HMCN2: variants seen among roughly 807,000 people sequenced by gnomAD.
HMCN2 encodes the protein hemicentin-2.
A neutral mutation model predicts 377.5 loss-of-function variants in HMCN2; 325 were observed. That is an observed-to-expected ratio of 0.86 (90% CI 0.79 to 0.94). The LOEUF is 0.94. Among genes scored for constraint, HMCN2 ranks in the 40% least tolerant of loss-of-function variants. The pLI, the probability that HMCN2 is intolerant of heterozygous loss-of-function variation, is 0.00. For synonymous variants in HMCN2, 2,007 were observed against 2,046.8 expected, an observed-to-expected ratio of 0.98 and a Z score of 0.53; for missense variants, 4,543 against 4,725.3, an observed-to-expected ratio of 0.96 and a Z score of 1.13.
intron 80 of HMCN2, among the ~76,000 whole-genome samples, chr9:130,404,600 C>G (rs558092344): frequency 6.6e-6 from 1 of 152,354 alleles, no homozygotes; most frequent in East Asian, 1.9e-4. Flanking sequence ...GGCTTTTAGT[C>G]TTCTGTGTGT....
At chr9:130,420,283 C>T (rs71501136) in intron 86 of HMCN2, among the ~76,000 whole-genome samples, 2,018 of 151,972 alleles carry the variant, frequency 0.013, 18 homozygotes, top group South Asian at 0.03. Context: ...ACCGCGTTAG[C>T]CAGGATGGTG....
In HMCN2 at chr9:130,347,528, A is replaced by T. The variant is rs1301665670; in HGVS notation, c.4024+168A>T. ...GGCAGTGCCAGTTCCCCGGGGCCTG[A>T]AAGCTTCCTACACAGGAGAATCAGG... On this transcript the variant is annotated intron_variant, in intron 26 of 97. Transcript: ENST00000683500. This position sits in a 1 kb window ranked among gnomAD's most constrained non-coding sequence, Gnocchi z 5.1. Among the ~76,000 whole-genome samples the T allele has an allele frequency of 1.3e-5, 2 of 152,184 alleles. No homozygotes were observed. The highest frequency in any genetic ancestry group is 2.9e-5 in the Non-Finnish European group (2 of 68,026).
At chr9:130,359,937 C>T (rs62579549) in intron 37 of HMCN2, among the ~76,000 whole-genome samples, 17,214 of 152,174 alleles carry the variant, frequency 0.11, 1,089 homozygotes, top group African/African-American at 0.16. Flanking sequence ...GGGACATGTC[C>T]CGGCAGGATG....
chr9:130,317,606 T>C (rs1837631715), intron 15 of HMCN2, among the ~76,000 whole-genome samples: 1 of 150,824 alleles, frequency 6.6e-6, no homozygotes, highest in East Asian at 2.0e-4. Flanking sequence ...GCGATTCTCC[T>C]GCTTCAGCCT....
Position 130,374,550 on chromosome 9 carries a change from C to T in HMCN2, c.7487C>T (p.Ala2496Val). 5.1e-6 allele frequency: 5 copies of T among 985,812 alleles called. No homozygotes were observed. The highest frequency in any genetic ancestry group is 6.0e-6 in the Non-Finnish European group (5 of 829,984). The allele number at this position is 985,812 out of a possible 1,614,324, so 61.1% of individuals were successfully genotyped here. A position where few individuals can be genotyped will look rare whatever the true frequency, so the allele number is the denominator to read the frequency against. Residue 2496 changes from alanine (A) to valine (V), a missense_variant, in exon 49 of 98, where the codon GCT (alanine) becomes GTT (valine). Physicochemically the swap from Ala to Val is moderately conservative, Grantham distance 64 (BLOSUM62 0). This residue lies in a region of HMCN2 where 1,032 missense variants were observed against 1,285.1 expected (regional missense o/e 0.80). Coordinates refer to ENST00000683500, the MANE Select transcript of HMCN2 (RefSeq NM_001291815.2). ...LTWFKDGRPL[A>V]RGDAHHISPD... ...TGGTTCAAAGATGGCCGGCCTCTGG[C>T]TAGGGGAGATGCTCACCACATCTCC...
chr9:130,384,556 G>A (rs1430042638), intron 58 of HMCN2, 22 bp downstream of exon 58: 1 of 1,304,206 alleles, frequency 7.7e-7, no homozygotes. Context: ...GAGGTGTCCG[G>A]CCCAGCTCTA....
At position 130,294,926 on chromosome 9, in the gene HMCN2, G is replaced by T. The variant is rs1461371486; in HGVS notation, c.684G>T (p.Glu228Asp). 2.1e-6 allele frequency: 1 copy of T among 470,554 alleles called. No individual in the cohort carries two copies. Among genetic ancestry groups the T allele is most frequent in the Non-Finnish European group, 4.4e-6 (1 of 226,822 alleles). The allele number at this position is 470,554 out of a possible 1,614,324, so 29.1% of individuals were successfully genotyped here. A position where few individuals can be genotyped will look rare whatever the true frequency, so the allele number is the denominator to read the frequency against. ...TGCTGTCCACAGACCACGAGGAGGA[G>T]GGGGAGCACACATGGAGACTCCCCT... is the stretch of plus-strand genomic sequence containing the variant. ...VHLLSTDHEEEGEHTWRLPFD... is the reference protein window; with the variant it reads ...VHLLSTDHEEDGEHTWRLPFD... Residue 228 changes from glutamate (E) to aspartate (D), a missense_variant, in exon 5 of 98, where the codon GAG becomes GAT. By Grantham distance (45) the Glu-to-Asp change is conservative. Coordinates refer to ENST00000683500, the MANE Select transcript of HMCN2 (RefSeq NM_001291815.2).
chr9:130,317,875 C>T (rs950105663), intron 15 of HMCN2, among the ~76,000 whole-genome samples: 6 of 151,948 alleles, frequency 3.9e-5, no homozygotes, highest in East Asian at 1.9e-4. Flanking sequence ...GAATTGAAAG[C>T]GGTCTGGGAG....
intron 59 of HMCN2, among the ~76,000 whole-genome samples, chr9:130,385,068 G>T (rs1366746798): frequency 6.6e-6 from 1 of 152,202 alleles, no homozygotes; most frequent in Non-Finnish European, 1.5e-5. Flanking sequence ...GAATCCTCTT[G>T]GGGAAAAGCT....
At position 130,400,930 on chromosome 9, in the gene HMCN2, A is replaced by G. The variant is rs1200952686; in HGVS notation, c.11753A>G (p.Tyr3918Cys). 31 of 1,288,222 alleles carry G rather than the reference A, an allele frequency of 2.4e-5. No individual in the cohort carries two copies. The highest frequency in any genetic ancestry group is 3.0e-5 in the African/African-American group (2 of 65,798). 79.8% of individuals were successfully genotyped at this position (1,288,222 alleles called of 1,614,324 possible). The change falls in exon 77 of 98, where the codon TAT becomes TGT. Residue 3918 changes from tyrosine to cysteine, a missense_variant. Coordinates refer to ENST00000683500, the MANE Select transcript of HMCN2 (RefSeq NM_001291815.2). Reference protein sequence around the residue: ...GAQLGARGSGYRVSPSGALEI... With the variant: ...GAQLGARGSGCRVSPSGALEI... ...CAGCTAGGAGCTCGGGGGAGTGGCT[A>G]TCGTGTCTCACCATCGGGTAAGTAA...
At chr9:130,395,879 G>T in intron 71 of HMCN2, 45 bp from the exon 72 acceptor site, 2 of 1,260,092 alleles carry the variant, frequency 1.6e-6, no homozygotes, top group Non-Finnish European at 2.1e-6. Flanking sequence ...GCCTGACGCA[G>T]CTGGGCACTG....
At chr9:130,276,204 C>A (rs1158320246) in intron 1 of HMCN2, among the ~76,000 whole-genome samples, 2 of 152,176 alleles carry the variant, frequency 1.3e-5, no homozygotes, top group Non-Finnish European at 2.9e-5. Flanking sequence ...TAATCACTTA[C>A]TCCATCTTCA....
At chr9:130,403,671 C>A in intron 79 of HMCN2, 70 bp from the exon 80 acceptor site, 1 of 1,254,524 alleles carries the variant, frequency 8.0e-7, no homozygotes. Context: ...GACAGAATAG[C>A]CCAATCTGCC....
chr9:130,274,934 C>G (rs1231484907), intron 1 of HMCN2, among the ~76,000 whole-genome samples: 2 of 152,294 alleles, frequency 1.3e-5, no homozygotes, highest in East Asian at 3.9e-4. Flanking sequence ...AATAAACACA[C>G]ACATATTTGC....
At chr9:130,317,861 CA>C (rs1369404201) in intron 15 of HMCN2, among the ~76,000 whole-genome samples, 1 of 151,864 alleles carries the variant, frequency 6.6e-6, no homozygotes, top group African/African-American at 2.4e-5. Flanking sequence ...CTAAGGAGGG[CA>C]GGGAATTGAA....
At chr9:130,328,866 C>T (rs989799873) in intron 22 of HMCN2, among the ~76,000 whole-genome samples, 36,565 of 152,146 alleles carry the variant, frequency 0.24, 4,517 homozygotes, top group African/African-American at 0.28. Context: ...AACTCGCTCC[C>T]TTTCGTATGA....
At position 130,402,832 on chromosome 9, in the gene HMCN2, C is replaced by T. The variant is rs1482959552; in HGVS notation, c.11814C>T (p.Arg3938=). Reference sequence around the variant, plus strand: ...AGGCCCTCCCCATCCACGCAGGCCGCTACACCTGCTCAGCCCGCAACTCTG... The same window carrying T: ...AGGCCCTCCCCATCCACGCAGGCCGTTACACCTGCTCAGCCCGCAACTCTG... The part of the protein sequence containing the change: ...IGQALPIHAG[R]YTCSARNSAG... Residue 3938 remains arginine (R), a synonymous_variant, in exon 78 of 98, where the codon CGC becomes CGT. Transcript: ENST00000683500. 1.6e-6 allele frequency: 2 copies of T among 1,289,708 alleles called. No homozygotes were observed. Among genetic ancestry groups the T allele is most frequent in the African/African-American group, 1.5e-5 (1 of 65,866 alleles). The allele number at this position is 1,289,708 out of a possible 1,614,324, so 79.9% of individuals were successfully genotyped here.
At position 130,269,185 on chromosome 9, in the gene HMCN2, A is replaced by G. The variant is rs192969693; in HGVS notation, c.259+3048A>G. The stretch of plus-strand genomic sequence containing the variant: ...CTAAGATCCGTGCTTCGGAAATTTT[A>G]CAGTTTCTAAATTAAAAATTGTATG... On this transcript the variant is annotated intron_variant, in intron 1 of 97. Coordinates refer to ENST00000683500, the MANE Select transcript of HMCN2 (RefSeq NM_001291815.2). Among the ~76,000 whole-genome samples the G allele has an allele frequency of 2.5e-4, 37 of 147,622 alleles. 3 individuals carry two copies. In the East Asian group the frequency reaches 4.5e-3, roughly 18 times the overall value.
rs111364669 is a variant in HMCN2 at position 130,399,485 on chromosome 9, C to T, written c.11484-26C>T. On this transcript the variant is annotated intron_variant, in intron 75 of 97. Coordinates refer to ENST00000683500, the MANE Select transcript of HMCN2 (RefSeq NM_001291815.2). ...CTGGTCTCTGTCAGCCCAGCAGCCA[C>T]TTGGCCGTCTGTCTGTCCACCCCAG... The T allele has an allele frequency of 3.2e-3, 4,061 of 1,259,550 alleles. 105 individuals carry two copies. In the African/African-American group the frequency reaches 0.052, roughly 16 times the overall value. 78.0% of individuals were successfully genotyped at this position (1,259,550 alleles called of 1,614,324 possible).
Sources: gnomAD v4.1 joint callset for allele counts (sites outside exome capture counted in the v4.1 genomes callset) on GRCh38, gnomAD v4.1.1 for gene constraint, gnomAD v4.1.1 regional missense constraint, Gnocchi (gnomAD v3.1) non-coding constraint, MANE v1.5 for transcripts, NCBI Gene and HGNC (gene_info 2026-07-23, HGNC 2026-07-21) for gene names.